FAT2: variants seen among roughly 807,000 people sequenced by gnomAD.
The protein encoded by FAT2 is FAT atypical cadherin 2, also known as protocadherin Fat 2.
In FAT2, 150 loss-of-function variants were observed where a neutral mutation model predicts 295.3. That is an observed-to-expected ratio of 0.51 (90% CI 0.44 to 0.58). The LOEUF (loss-of-function observed/expected upper bound fraction) is 0.58, where lower values mean the gene tolerates loss of function less well. FAT2 is among the 20% of genes least tolerant of loss of function. FAT2 has a pLI of 0.00. For missense variants in FAT2, 4,868 were observed against 5,442.7 expected (o/e 0.89, Z 3.32); for synonymous variants, 2,026 against 2,150.3 (o/e 0.94, Z 1.60).
At chr5:151,557,383 G>A (rs1166594919) in intron 3 of FAT2, among the ~76,000 whole-genome samples, 2 of 152,192 alleles carry the variant, frequency 1.3e-5, no homozygotes, top group African/African-American at 4.8e-5. Context: ...AGGATAGCCA[G>A]TCAGCACAGA....
Position 151,521,977 on chromosome 5 carries a change from G to A in FAT2, c.10616C>T (p.Thr3539Ile), listed in dbSNP as rs200129827. The A allele has an allele frequency of 5.6e-5, 90 of 1,614,208 alleles. No individual in the cohort carries two copies. The Admixed American group carries it at 1.1e-3, about 19-fold the overall frequency. ...ACCCTGGAACTCATCCTCTCCAACA[G>A]TGATGAAGATCTCCAGTGGGAGAGC... The part of the protein sequence containing the change: ...PSALPLEIFI[T>I]VGEDEFQGGM... Residue 3539 changes from threonine to isoleucine, a missense_variant, in exon 19 of 24, where the codon ACT becomes ATT. Thr to Ile is a moderately conservative substitution (Grantham distance 89, BLOSUM62 -1). This residue lies in a region of FAT2 where 1,046 missense variants were observed against 1,210.1 expected (regional missense o/e 0.86). Transcript: ENST00000261800.
chr5:151,527,413 G>A (rs748084138), intron 16 of FAT2, 36 bp from the exon 17 acceptor site: 3 of 1,546,980 alleles, frequency 1.9e-6, no homozygotes, highest in Non-Finnish European at 2.6e-6. Context: ...TAGCAATGAG[G>A]TAGCTGTCCC....
At position 151,568,950 on chromosome 5, in the gene FAT2, C is replaced by A; in HGVS notation, c.-19G>T. The stretch of plus-strand genomic sequence containing the variant: ...TAGTCATGGTGGAAAACTCCCGAAA[C>A]CCTGGGCAGAAAATAAAAGACAGGG... On this transcript the variant is annotated splice_region_variant and 5_prime_UTR_variant, in exon 2 of 24. Coordinates refer to ENST00000261800, the MANE Select transcript of FAT2 (RefSeq NM_001447.3). 6.4e-7 allele frequency: 1 copy of A among 1,571,994 alleles called. No individual in the cohort carries two copies. Among genetic ancestry groups the A allele is most frequent in the South Asian group, 1.2e-5 (1 of 83,216 alleles).
At position 151,567,659 on chromosome 5, in the gene FAT2, C is replaced by T. The variant is rs76068147; in HGVS notation, c.1273G>A (p.Asp425Asn). Residue 425 changes from aspartate to asparagine, a missense_variant, in exon 2 of 24, where the codon GAC becomes AAC. Asp to Asn is a conservative substitution (Grantham distance 23). Around this residue, in one of 5 missense-constraint regions of FAT2, gnomAD observed 3,297 missense variants for 3,669.4 expected, o/e 0.90. Coordinates refer to ENST00000261800, the MANE Select transcript of FAT2 (RefSeq NM_001447.3). ...ATGTGTAGCTGATAGTGGGCTCTGTCGTGGAAGTCCATGAGCTTTGTGGTG... is the reference window on the plus strand; with the variant it reads ...ATGTGTAGCTGATAGTGGGCTCTGTTGTGGAAGTCCATGAGCTTTGTGGTG... ...ITTTKLMDFH[D>N]RAHYQLHIRT... The T allele has an allele frequency of 1.1e-3, 1,759 of 1,614,060 alleles. 21 individuals carry two copies. In the African/African-American group the frequency reaches 0.022, roughly 20 times the overall value.
At position 151,544,827 on chromosome 5, in the gene FAT2, C is replaced by A. The variant is rs1199767022; in HGVS notation, c.6300G>T (p.Gly2100=). 2 of 1,614,184 alleles carry A rather than the reference C, an allele frequency of 1.2e-6. No homozygotes were observed. Among genetic ancestry groups the A allele is most frequent in the East Asian group, 2.2e-5 (1 of 44,878 alleles). Residue 2100 remains glycine, a synonymous_variant, in exon 10 of 24, where the codon GGG becomes GGT. Coordinates refer to ENST00000261800, the MANE Select transcript of FAT2 (RefSeq NM_001447.3). ...ATTCATATGTAACAGCCCCATTTGT[C>A]CCCAAGTCCTCATCAGTGGCAGATA... ...FQVSATDEDL[G]TNGAVTYEFA...
rs374920255 is a variant in FAT2 at position 151,531,621 on chromosome 5, G to T, written c.9777C>A (p.Asn3259Lys). The T allele has an allele frequency of 6.2e-7, 1 of 1,613,194 alleles. No individual in the cohort carries two copies. Among genetic ancestry groups the T allele is most frequent in the Non-Finnish European group, 8.5e-7 (1 of 1,179,958 alleles). The change falls in exon 14 of 24, where the codon AAC becomes AAA. Residue 3259 changes from asparagine (N) to lysine (K), a missense_variant. This residue lies in a region of FAT2 where 1,046 missense variants were observed against 1,210.1 expected (regional missense o/e 0.86). Transcript: ENST00000261800. The surrounding 1 kb of genome is among the most constrained non-coding windows in gnomAD (Gnocchi z 5.7). The stretch of plus-strand genomic sequence containing the variant: ...CATCCAGGCGGAACCTGCCTTGCTC[G>T]TTCCCGCTGACCACGCGGTAGCCGG... ...EKTGYRVVSGNEQGRFRLDAR... is the reference protein window; with the variant it reads ...EKTGYRVVSGKEQGRFRLDAR...
Position 151,507,256 on chromosome 5 carries a change from G to T in FAT2, c.12415C>A (p.Pro4139Thr). The change falls in exon 23 of 24, where the codon CCA (proline) becomes ACA (threonine). Residue 4139 changes from proline (P) to threonine (T), a missense_variant. Transcript: ENST00000261800. ...CTGGGGGGCACACTGCAGACCACTG[G>T]CCGTTGCTTAGAATTGGGTCCAAAT... is the stretch of plus-strand genomic sequence containing the variant. ...VTFGPNSKQR[P>T]VVCSVPPRLP... 6.2e-7 allele frequency: 1 copy of T among 1,614,172 alleles called. No homozygotes were observed. The highest frequency in any genetic ancestry group is 1.1e-5 in the South Asian group (1 of 91,084).
rs144014802 is a variant in FAT2 at position 151,553,217 on chromosome 5, G to C, written c.4116C>G (p.Ser1372Arg). The change falls in exon 6 of 24, where the codon AGC (serine) becomes AGG (arginine). Residue 1372 changes from serine to arginine, a missense_variant. Transcript: ENST00000261800. ...AGAAGAGTCCGGGTCTGCCCTCTAC[G>C]CTGATGACCCCCACCATGTGGTTCA... ...DPVNHMVGVI[S>R]VEGRPGLFWF... 1 of 1,614,236 alleles carries C rather than the reference G, an allele frequency of 6.2e-7. No individual in the cohort carries two copies. The highest frequency in any genetic ancestry group is 8.5e-7 in the Non-Finnish European group (1 of 1,180,030).
chr5:151,575,133 AG>A (rs1758696632), intron 1 of FAT2, among the ~76,000 whole-genome samples: 1 of 152,262 alleles, frequency 6.6e-6, no homozygotes, highest in Non-Finnish European at 1.5e-5. Context: ...TGTAAAAGTC[AG>A]GCCTGTCCTA....
At chr5:151,585,977 G>C (rs1477431046) in intron 1 of FAT2, among the ~76,000 whole-genome samples, 1 of 152,182 alleles carries the variant, frequency 6.6e-6, no homozygotes, top group East Asian at 1.9e-4. Flanking sequence ...GATGGAAAGT[G>C]TTAAGGCCAG....
At chr5:151,546,395 C>T in intron 9 of FAT2, 58 bp from the exon 10 acceptor site, 1 of 1,330,338 alleles carries the variant, frequency 7.5e-7, no homozygotes. Flanking sequence ...ATCAGCTAGG[C>T]TTTCTAGATC....
rs1756271470 is a variant in FAT2, at chr5:151,542,727, A to G, written c.8400T>C (p.Asp2800=). 6.2e-7 allele frequency: 1 copy of G among 1,614,220 alleles called. No homozygotes were observed. The change falls in exon 10 of 24, where the codon GAT becomes GAC. Residue 2800 remains aspartate, a synonymous_variant. Coordinates refer to ENST00000261800, the MANE Select transcript of FAT2 (RefSeq NM_001447.3). ...TCTCAGTGAGGACAGCCTTATATGG[A>G]TCAGCCTCAAATACAGGCCTATTGT... ...VNDNRPVFEA[D]PYKAVLTENM... is the part of the protein sequence containing the mutation.
chr5:151,586,397 G>A (rs749372237), intron 1 of FAT2, among the ~76,000 whole-genome samples: 10 of 152,174 alleles, frequency 6.6e-5, no homozygotes, highest in Admixed American at 1.3e-4. Flanking sequence ...CCCAGGAACA[G>A]AAAAAGGGGC....
At chr5:151,538,392 A>G (rs575712675) in intron 11 of FAT2, among the ~76,000 whole-genome samples, 12 of 152,166 alleles carry the variant, frequency 7.9e-5, no homozygotes, top group Non-Finnish European at 1.8e-4. Context: ...TGGCGAGGCC[A>G]TGCTATTAAG....
intron 18 of FAT2, 108 bp from the exon 19 acceptor site, chr5:151,522,194 C>T: frequency 8.2e-6 from 7 of 849,082 alleles, no homozygotes; most frequent in Non-Finnish European, 1.2e-5. Context: ...CCACGCCCAA[C>T]TTGAGGGCTG....
chr5:151,566,029 G>A lies in FAT2; in HGVS notation c.2903C>T (p.Ala968Val). 1 of 1,614,174 alleles carries A rather than the reference G, an allele frequency of 6.2e-7. No homozygotes were observed. Among genetic ancestry groups the A allele is most frequent in the Non-Finnish European group, 8.5e-7 (1 of 1,180,034 alleles). ...CAGGTCCACCCGGAAGGTCCCATGG[G>A]CGCCATCCATCAGAACATATCGCAC... ...GEVRYVLMDGAHGTFRVDLMT... is the reference protein window; with the variant it reads ...GEVRYVLMDGVHGTFRVDLMT... The change falls in exon 2 of 24, where the codon GCC becomes GTC. Residue 968 changes from alanine to valine, a missense_variant. Coordinates refer to ENST00000261800, the MANE Select transcript of FAT2 (RefSeq NM_001447.3).
chr5:151,558,187 A>G (rs1404463610), intron 3 of FAT2, among the ~76,000 whole-genome samples: 1 of 152,240 alleles, frequency 6.6e-6, no homozygotes, highest in Non-Finnish European at 1.5e-5. Flanking sequence ...CACGTTTTAA[A>G]AAGCCAATAA....
In FAT2 at chr5:151,522,063, G is replaced by T. The variant is rs2127580539; in HGVS notation, c.10530C>A (p.Pro3510=). The change falls in exon 19 of 24, where the codon CCC becomes CCA. Residue 3510 remains proline (P), a synonymous_variant. Coordinates refer to ENST00000261800, the MANE Select transcript of FAT2 (RefSeq NM_001447.3). ...QIQASDSGIP[P]LSSLTSVRVH... is the part of the protein sequence containing the mutation. ...CACGGACAGACGTCAAAGACGAGAG[G>T]GGAGGGATGCCACTGTCTGACGCCT... is the stretch of plus-strand genomic sequence containing the variant. 1 of 1,596,958 alleles carries T rather than the reference G, an allele frequency of 6.3e-7. No homozygotes were observed. Among genetic ancestry groups the T allele is most frequent in the South Asian group, 1.1e-5 (1 of 90,312 alleles).
In FAT2 at chr5:151,542,724, T is replaced by C. The variant is rs772101371; in HGVS notation, c.8403A>G (p.Pro2801=). 3.1e-6 allele frequency: 5 copies of C among 1,614,252 alleles called. No individual in the cohort carries two copies. The Admixed American group carries it at 5.0e-5, about 16-fold the overall frequency. The part of the protein sequence containing the change: ...NDNRPVFEAD[P]YKAVLTENMP... The stretch of plus-strand genomic sequence containing the variant: ...TATTCTCAGTGAGGACAGCCTTATA[T>C]GGATCAGCCTCAAATACAGGCCTAT... The change falls in exon 10 of 24, where the codon CCA becomes CCG. Residue 2801 remains proline, a synonymous_variant. Coordinates refer to ENST00000261800, the MANE Select transcript of FAT2 (RefSeq NM_001447.3).
Sources: allele counts gnomAD v4.1 joint callset (sites outside exome capture counted in the v4.1 genomes callset), GRCh38; gene constraint gnomAD v4.1.1; regional missense constraint gnomAD v4.1.1; non-coding constraint Gnocchi (gnomAD v3.1); transcripts MANE v1.5; gene names NCBI Gene and HGNC (gene_info 2026-07-23, HGNC 2026-07-21).